Variants in USH2A observed in about 807,000 individuals in gnomAD.
USH2A encodes the protein usherin, also known as Usher syndrome 2A (autosomal recessive, mild).
USH2A carries 443 observed loss-of-function variants against 538.9 expected under a neutral mutation model. The ratio of observed to expected loss-of-function variants is 0.82; its 90% confidence interval spans 0.76 to 0.89. The LOEUF is 0.89. Ranked by LOEUF, USH2A falls within the 40% of genes least tolerant of loss-of-function variation. The pLI, the probability that USH2A is intolerant of heterozygous loss-of-function variation, is 0.00. For synonymous variants in USH2A, 2,413 were observed against 2,273.5 expected (o/e 1.06, Z -1.75); for missense variants, 6,633 against 6,324.8 (o/e 1.05, Z -1.65).
At chr1:216,070,406 C>G (rs1222134132) in intron 29 of USH2A, 114 bp from the exon 30 acceptor site, 16 of 974,946 alleles carry the variant, frequency 1.6e-5, no homozygotes, top group Non-Finnish European at 2.4e-5. Context: ...AGCATAAATA[C>G]AATTTATTAG....
intron 64 of USH2A, among the ~76,000 whole-genome samples, chr1:215,652,265 A>T (rs1657107976): frequency 6.6e-6 from 1 of 152,266 alleles, no homozygotes. Flanking sequence ...CTGAAACAAG[A>T]ATTCTGCTCT....
In USH2A at chr1:216,359,599, C is replaced by T. The variant is rs1161484959; in HGVS notation, c.784+5354G>A. Among the ~76,000 whole-genome samples, 3 of 151,840 alleles carry T rather than the reference C, an allele frequency of 2.0e-5. No homozygotes were observed. The East Asian group carries it at 5.8e-4, about 29-fold the overall frequency. On this transcript the variant is annotated intron_variant, in intron 4 of 71. Coordinates refer to ENST00000307340, the MANE Select transcript of USH2A (RefSeq NM_206933.4). Reference sequence around the variant, plus strand: ...TAATAACTCAGGTCATACAGAAAAACAAAATAACATTTTATATTATTTCAG... The same window carrying T: ...TAATAACTCAGGTCATACAGAAAAATAAAATAACATTTTATATTATTTCAG...
chr1:215,636,001 C>T (rs952054180), intron 69 of USH2A, among the ~76,000 whole-genome samples: 1 of 152,138 alleles, frequency 6.6e-6, no homozygotes, highest in Admixed American at 6.5e-5. Context: ...CAGAGATCTG[C>T]TCCCATCCAG....
At chr1:215,978,064 C>G (rs1371864940) in intron 35 of USH2A, among the ~76,000 whole-genome samples, 1 of 152,140 alleles carries the variant, frequency 6.6e-6, no homozygotes, top group Non-Finnish European at 1.5e-5. Context: ...GAGGTCGAGG[C>G]TGCAGTGGGC....
intron 34 of USH2A, 148 bp from the exon 35 acceptor site, chr1:215,993,315 G>C: frequency 7.9e-7 from 1 of 1,259,890 alleles, no homozygotes; most frequent in Non-Finnish European, 1.1e-6. Context: ...TCAGTGTTAA[G>C]ATTTAACATT....
intron 13 of USH2A, among the ~76,000 whole-genome samples, chr1:216,245,808 GGCAA>G (rs2036029105): frequency 6.6e-6 from 1 of 152,070 alleles, no homozygotes; most frequent in South Asian, 2.1e-4. Flanking sequence ...CTCCTTCTCT[GGCAA>G]GCAAATCACA....
intron 49 of USH2A, among the ~76,000 whole-genome samples, chr1:215,810,713 A>C (rs1159102225): frequency 2.0e-5 from 3 of 152,180 alleles, no homozygotes; most frequent in Admixed American, 6.5e-5. Context: ...AACTCCCCAA[A>C]TTTAAGTTAC....
At chr1:215,854,531 G>A (rs564784013) in intron 44 of USH2A, among the ~76,000 whole-genome samples, 2 of 152,254 alleles carry the variant, frequency 1.3e-5, no homozygotes, top group South Asian at 2.1e-4. Context: ...GGGAAATCAA[G>A]GATGCAGGCA....
intron 3 of USH2A, among the ~76,000 whole-genome samples, chr1:216,383,115 G>C (rs187362386): frequency 5.9e-5 from 9 of 151,998 alleles, no homozygotes; most frequent in Non-Finnish European, 1.0e-4. Context: ...ACACAAAAAC[G>C]GGTCACCCAC....
chr1:216,118,654 C>A (rs2033062891), intron 21 of USH2A, among the ~76,000 whole-genome samples: 1 of 152,170 alleles, frequency 6.6e-6, no homozygotes, highest in African/African-American at 2.4e-5. Context: ...AAGACAATAC[C>A]TGGTTTCTGT....
chr1:215,953,526 C>T (rs958159821), intron 37 of USH2A, among the ~76,000 whole-genome samples: 1 of 152,144 alleles, frequency 6.6e-6, no homozygotes, highest in African/African-American at 2.4e-5. Context: ...GAAGCTGAAA[C>T]TGGATCCCTT....
At chr1:215,859,847 C>A (rs945071583) in intron 44 of USH2A, among the ~76,000 whole-genome samples, 1 of 152,138 alleles carries the variant, frequency 6.6e-6, no homozygotes, top group Middle Eastern at 3.2e-3. Flanking sequence ...TGGTTCCCAG[C>A]AAAGGGGGAT....
chr1:215,867,506 G>T (rs1424786393), intron 43 of USH2A, among the ~76,000 whole-genome samples: 1 of 152,194 alleles, frequency 6.6e-6, no homozygotes, highest in Admixed American at 6.5e-5. Flanking sequence ...AATTCAAGAT[G>T]CAATTACAAA....
chr1:215,733,711 C>G (rs1423673547), intron 60 of USH2A, among the ~76,000 whole-genome samples: 1 of 152,230 alleles, frequency 6.6e-6, no homozygotes, highest in Non-Finnish European at 1.5e-5. Flanking sequence ...AGGGCCCACA[C>G]AAGTCTGAGA....
chr1:215,705,525 C>A (rs182611222), intron 61 of USH2A, among the ~76,000 whole-genome samples: 1 of 152,112 alleles, frequency 6.6e-6, no homozygotes, highest in Non-Finnish European at 1.5e-5. Context: ...ATTTCAGAGA[C>A]GGAGAAATAT....
intron 52 of USH2A, among the ~76,000 whole-genome samples, chr1:215,784,691 G>C (rs1661743752): frequency 6.6e-6 from 1 of 152,264 alleles, no homozygotes; most frequent in East Asian, 1.9e-4. Context: ...GTTCTCAATG[G>C]AATTATCATA....
chr1:215,946,244 G>A (rs1477032708), intron 37 of USH2A, among the ~76,000 whole-genome samples: 1 of 151,998 alleles, frequency 6.6e-6, no homozygotes, highest in Non-Finnish European at 1.5e-5. Flanking sequence ...CAGTTGAGAA[G>A]CTAGAACAAA....
At chr1:216,104,115 G>T (rs1326055530) in intron 21 of USH2A, among the ~76,000 whole-genome samples, 1 of 151,066 alleles carries the variant, frequency 6.6e-6, no homozygotes. Flanking sequence ...TGTGCACAAC[G>T]TGCAGGTTTG....
intron 32 of USH2A, among the ~76,000 whole-genome samples, chr1:216,011,284 A>T (rs1010045305): frequency 6.6e-6 from 1 of 152,068 alleles, no homozygotes; most frequent in African/African-American, 2.4e-5. Flanking sequence ...TGCACCCGTC[A>T]TCCCAGCCTC....
Sources: gnomAD v4.1 joint callset for allele counts (sites outside exome capture counted in the v4.1 genomes callset) on GRCh38, gnomAD v4.1.1 for gene constraint, MANE v1.5 for transcripts, NCBI Gene and HGNC (gene_info 2026-07-23, HGNC 2026-07-21) for gene names.